The following ARHGEF10 variants were observed in gnomAD, a reference collection of about 807,000 sequenced individuals.
The protein encoded by ARHGEF10 is Rho guanine nucleotide exchange factor 10.
Under a neutral mutation model 147.4 loss-of-function variants are expected in ARHGEF10, and 140 were observed. The observed-to-expected ratio is 0.95, with a 90% CI of 0.83 to 1.09. ARHGEF10 has a LOEUF of 1.09. Ranked by LOEUF, ARHGEF10 falls within the 50% of genes least tolerant of loss-of-function variation. The probability of loss-of-function intolerance (pLI) is 0.00; values close to 1 mark genes in which losing one functional copy is unlikely to be tolerated. For missense variants in ARHGEF10, 2,222 were observed against 1,752.7 expected (o/e 1.27, Z -4.78); for synonymous variants, 902 against 695.8 (o/e 1.30, Z -4.67).
In ARHGEF10 at chr8:1,945,172, G is replaced by C. The variant is rs368812419; in HGVS notation, c.3223-309G>C. Among the ~76,000 whole-genome samples, 44 of 152,342 alleles carry C rather than the reference G, an allele frequency of 2.9e-4. No homozygotes were observed. In the South Asian group the frequency reaches 8.7e-3, roughly 30 times the overall value. On this transcript the variant is annotated intron_variant, in intron 26 of 28. Coordinates refer to ENST00000349830, the MANE Select transcript of ARHGEF10 (RefSeq NM_014629.4). ...TGATGGGCCTGGGGGGATGGATCCT[G>C]TGCCTCCCCTCGCCAGCCTGCCCAT...
chr8:1,919,847 C>T (rs1003468377), intron 18 of ARHGEF10, among the ~76,000 whole-genome samples: 2 of 142,264 alleles, frequency 1.4e-5, no homozygotes, highest in Non-Finnish European at 3.0e-5. Flanking sequence ...AGTGATGGAG[C>T]TGTGCTGTGG....
At chr8:1,942,273 A>C (rs551923180) in intron 26 of ARHGEF10, among the ~76,000 whole-genome samples, 1 of 150,612 alleles carries the variant, frequency 6.6e-6, no homozygotes, top group Non-Finnish European at 1.5e-5. Context: ...AATAAAAAGA[A>C]AAGTAACGCT....
At chr8:1,869,091 T>G in intron 6 of ARHGEF10, 103 bp from the exon 7 acceptor site, 2 of 1,129,812 alleles carry the variant, frequency 1.8e-6, no homozygotes, top group South Asian at 2.5e-5. Flanking sequence ...AAACCAACTT[T>G]TTGAATAATC....
chr8:1,943,502 C>G (rs553240756), intron 26 of ARHGEF10: 2 of 152,258 alleles, frequency 1.3e-5, no homozygotes, highest in African/African-American at 4.8e-5. Context: ...ATCTGGAATC[C>G]GAACCAAGAC....
At chr8:1,833,324 AGAC>A (rs1563150182) in intron 1 of ARHGEF10, among the ~76,000 whole-genome samples, 3 of 138,718 alleles carry the variant, frequency 2.2e-5, no homozygotes, top group African/African-American at 5.5e-5. Flanking sequence ...AAGCAGAGGG[AGAC>A]AGAGACAGAG....
chr8:1,953,091 T>C (rs922988537), intron 28 of ARHGEF10, among the ~76,000 whole-genome samples: 13 of 152,412 alleles, frequency 8.5e-5, no homozygotes, highest in Non-Finnish European at 1.8e-4. Context: ...ATCATTCCTT[T>C]CTGTGTTTTA....
rs1278632482 is a variant in ARHGEF10 at position 1,885,823 on chromosome 8, T to C, written c.1182+116T>C. On this transcript the variant is annotated intron_variant, in intron 11 of 28. Coordinates refer to ENST00000349830, the MANE Select transcript of ARHGEF10 (RefSeq NM_014629.4). The stretch of plus-strand genomic sequence containing the variant: ...TTGCTGTCTCAAACTCTGCATCCAC[T>C]CGGGCCCTCCACTGTAGGTTCCTGG... 9.4e-6 allele frequency: 8 copies of C among 848,898 alleles called. No individual in the cohort carries two copies. The Admixed American group carries it at 1.6e-4, about 17-fold the overall frequency. 52.6% of individuals were successfully genotyped at this position (848,898 alleles called of 1,614,324 possible). A position where few individuals can be genotyped will look rare whatever the true frequency, so the allele number is the denominator to read the frequency against.
intron 13 of ARHGEF10, 25 bp downstream of exon 13, chr8:1,894,597 G>A (rs1452121202): frequency 2.0e-5 from 32 of 1,612,690 alleles, no homozygotes; most frequent in Non-Finnish European, 2.7e-5. Context: ...ACACCTGGAT[G>A]TCCATGGGGC....
chr8:1,845,861 G>A (rs969385460), intron 2 of ARHGEF10, among the ~76,000 whole-genome samples: 15 of 152,196 alleles, frequency 9.9e-5, no homozygotes, highest in Admixed American at 9.2e-4. Context: ...CTCTGATGGA[G>A]GCAGGACTGG....
chr8:1,828,117 G>A (rs1802875672), intron 1 of ARHGEF10, among the ~76,000 whole-genome samples: 1 of 152,240 alleles, frequency 6.6e-6, no homozygotes, highest in Non-Finnish European at 1.5e-5. Context: ...TCCACTGATA[G>A]CTACAGACAG....
At chr8:1,876,383 G>A in intron 7 of ARHGEF10, 188 bp from the exon 8 acceptor site, 3 of 647,538 alleles carry the variant, frequency 4.6e-6, no homozygotes, top group South Asian at 3.7e-5. Context: ...CCCCGGCCCT[G>A]CCCGGGTGGT....
chr8:1,919,608 A>C (rs1812066595), intron 18 of ARHGEF10, among the ~76,000 whole-genome samples: 1 of 137,574 alleles, frequency 7.3e-6, no homozygotes, highest in South Asian at 2.4e-4. Flanking sequence ...GTGGGTGATA[A>C]ACTGTTCTGT....
At chr8:1,878,757 G>A (rs1385089184) in intron 8 of ARHGEF10, among the ~76,000 whole-genome samples, 2 of 152,194 alleles carry the variant, frequency 1.3e-5, no homozygotes, top group Non-Finnish European at 1.5e-5. Context: ...TTGCTTTGGA[G>A]CGGGCCCGTA....
chr8:1,823,452 G>C (rs973592764), upstream of ARHGEF10, among the ~76,000 whole-genome samples: 26 of 151,234 alleles, frequency 1.7e-4, no homozygotes, highest in East Asian at 9.9e-4. Flanking sequence ...GATGTTCTGG[G>C]GGGGGGAGCG....
intron 4 of ARHGEF10, 125 bp from the exon 5 acceptor site, chr8:1,864,248 C>A (rs971131564): frequency 1.2e-5 from 11 of 936,914 alleles, no homozygotes; most frequent in African/African-American, 1.6e-5. Flanking sequence ...TATTAATCAC[C>A]CTTATGCTAA....
chr8:1,875,355 G>T (rs1256111672), intron 7 of ARHGEF10, among the ~76,000 whole-genome samples: 3 of 152,116 alleles, frequency 2.0e-5, no homozygotes, highest in Non-Finnish European at 4.4e-5. Context: ...ACATGGTAGA[G>T]GCTGTAGACC....
intron 15 of ARHGEF10, among the ~76,000 whole-genome samples, chr8:1,898,809 C>A (rs553463640): frequency 6.6e-6 from 1 of 152,216 alleles, no homozygotes; most frequent in East Asian, 1.9e-4. Context: ...GCCTCACGTG[C>A]TCTCACAGGG....
rs1360527342 is a variant in ARHGEF10 at position 1,824,016 on chromosome 8, A to AACGGCGGGGG, written c.-135_-126dup. 1.5e-4 allele frequency: 15 copies of AACGGCGGGGG among 96,836 alleles called. No homozygotes were observed. The highest frequency in any genetic ancestry group is 4.9e-4 in the African/African-American group (11 of 22,672). The allele number at this position is 96,836 out of a possible 1,614,324, so 6.0% of individuals were successfully genotyped here. On this transcript the variant is annotated 5_prime_UTR_variant, in exon 1 of 29. Transcript: ENST00000349830. ...GCGGGGGACGCGGGGGACGGCGGGG[A>AACGGCGGGGG]ACGGCGGGGGACGGCGGGGAACAGC...
intron 7 of ARHGEF10, 100 bp downstream of exon 7, chr8:1,869,350 G>C: frequency 3.9e-6 from 4 of 1,020,476 alleles, no homozygotes; most frequent in Admixed American, 1.8e-5. Context: ...GACGTTTTCT[G>C]TATTCATGTT....
Sources: gnomAD v4.1 joint callset for allele counts (sites outside exome capture counted in the v4.1 genomes callset) on GRCh38, gnomAD v4.1.1 for gene constraint, MANE v1.5 for transcripts, NCBI Gene and HGNC (gene_info 2026-07-23, HGNC 2026-07-21) for gene names.